The following RNLS variants were observed in gnomAD, a reference collection of about 807,000 sequenced individuals.
RNLS encodes the protein renalase.
Under a neutral mutation model 39.8 loss-of-function variants are expected in RNLS, and 39 were observed. The ratio of observed to expected loss-of-function variants is 0.98; its 90% CI spans 0.76 to 1.28. The LOEUF (loss-of-function observed/expected upper bound fraction) is 1.28, where lower values mean the gene tolerates loss of function less well. RNLS is among the 50% of genes most tolerant of loss of function. The pLI is 0.00. For synonymous variants in RNLS, 147 were observed against 150.7 expected, an observed-to-expected ratio of 0.98 and a Z score of 0.18; for missense variants, 410 against 413.3, an observed-to-expected ratio of 0.99 and a Z score of 0.07.
intron 5 of RNLS, among the ~76,000 whole-genome samples, chr10:88,317,695 G>A (rs547666962): frequency 3.9e-5 from 6 of 152,328 alleles, no homozygotes; most frequent in African/African-American, 1.4e-4. Flanking sequence ...TGCCTGTCTA[G>A]TGACATCAGA....
At chr10:88,272,255 CAG>C (rs1407856365), downstream of RNLS, among the ~76,000 whole-genome samples, 6 of 152,178 alleles carry the variant, frequency 3.9e-5, no homozygotes, top group African/African-American at 1.4e-4. Context: ...GGCACAGAAA[CAG>C]AAGCTTTATG....
chr10:88,255,895 C>T, the RNLS span, among the ~76,000 whole-genome samples: 1 of 152,088 alleles, frequency 6.6e-6, no homozygotes, highest in African/African-American at 2.4e-5. Context: ...GAAAGCAGCC[C>T]TGTGAGGATT....
intron 4 of RNLS, among the ~76,000 whole-genome samples, chr10:88,374,116 G>T (rs552093610): frequency 1.3e-4 from 19 of 151,872 alleles, no homozygotes; most frequent in Non-Finnish European, 2.4e-4. Context: ...TGTTATTGTT[G>T]CAGGAAAAGA....
intron 6 of RNLS, among the ~76,000 whole-genome samples, chr10:88,290,879 C>T (rs1843622697): frequency 6.6e-6 from 1 of 152,140 alleles, no homozygotes; most frequent in East Asian, 1.9e-4. Context: ...CACTGTTCTC[C>T]AAGTATGGAT....
chr10:88,206,120 A>G, the RNLS span, among the ~76,000 whole-genome samples: 1 of 152,192 alleles, frequency 6.6e-6, no homozygotes, highest in Non-Finnish European at 1.5e-5. Flanking sequence ...GAGGTTTAGC[A>G]AAGGTTTTTC....
At chr10:88,242,815 T>C in the RNLS span, among the ~76,000 whole-genome samples, 1 of 152,068 alleles carries the variant, frequency 6.6e-6, no homozygotes, top group Non-Finnish European at 1.5e-5. Flanking sequence ...GGCGTGGTGG[T>C]GCATGCCTGT....
chr10:88,453,826 G>T (rs549684370), intron 4 of RNLS, among the ~76,000 whole-genome samples: 1 of 152,038 alleles, frequency 6.6e-6, no homozygotes, highest in African/African-American at 2.4e-5. Context: ...AAATATTCTT[G>T]AGTATTACCA....
At chr10:88,456,157 T>C (rs182842121) in intron 4 of RNLS, among the ~76,000 whole-genome samples, 3 of 152,330 alleles carry the variant, frequency 2.0e-5, no homozygotes, top group Admixed American at 1.3e-4. Context: ...TTCCATGCAA[T>C]GTCTCCCCAT....
intron 4 of RNLS, among the ~76,000 whole-genome samples, chr10:88,534,549 T>C (rs1237601100): frequency 1.3e-5 from 2 of 152,148 alleles, no homozygotes; most frequent in African/African-American, 2.4e-5. Flanking sequence ...GAACCCCTAA[T>C]AGTACTGAAG....
chr10:88,247,547 A>T, the RNLS span, among the ~76,000 whole-genome samples: 324 of 152,306 alleles, frequency 2.1e-3, 1 homozygote, highest in African/African-American at 7.3e-3. Flanking sequence ...GTAAAACAGG[A>T]ACAATAACAA....
At chr10:88,216,512 A>G in the RNLS span, among the ~76,000 whole-genome samples, 2 of 152,344 alleles carry the variant, frequency 1.3e-5, no homozygotes, top group Admixed American at 6.5e-5. Context: ...ACCTAGCAGA[A>G]ACACAGAATC....
intron 5 of RNLS, among the ~76,000 whole-genome samples, chr10:88,335,931 C>T (rs1008657265): frequency 1.4e-4 from 21 of 152,118 alleles, no homozygotes; most frequent in African/African-American, 4.8e-4. Flanking sequence ...TGGGGTTTGG[C>T]AATTGGTAAG....
At chr10:88,390,722 T>C (rs1420072402) in intron 4 of RNLS, among the ~76,000 whole-genome samples, 1 of 152,160 alleles carries the variant, frequency 6.6e-6, no homozygotes, top group African/African-American at 2.4e-5. Context: ...ATGAGGGCCA[T>C]TTTTCTTGGG....
intron 4 of RNLS, among the ~76,000 whole-genome samples, chr10:88,568,282 T>C (rs767587551): frequency 8.6e-5 from 13 of 152,016 alleles, no homozygotes; most frequent in Non-Finnish European, 1.6e-4. Context: ...AGATAGTAGA[T>C]TAATGATTGC....
intron 4 of RNLS, among the ~76,000 whole-genome samples, chr10:88,435,429 T>C (rs777418765): frequency 6.0e-5 from 9 of 149,062 alleles, no homozygotes; most frequent in Non-Finnish European, 1.3e-4. Flanking sequence ...TACCAAATAT[T>C]TGGGGGTAAA....
chr10:88,461,322 C>CT (rs1842925666), intron 4 of RNLS, among the ~76,000 whole-genome samples: 1 of 152,100 alleles, frequency 6.6e-6, no homozygotes, highest in East Asian at 1.9e-4. Context: ...CATGAAATTG[C>CT]TAACCATTCA....
chr10:88,311,062 A>C (rs2133032845), intron 6 of RNLS, among the ~76,000 whole-genome samples: 1 of 152,272 alleles, frequency 6.6e-6, no homozygotes, highest in African/African-American at 2.4e-5. Flanking sequence ...GAGATTAAAA[A>C]ATAAAGTAAT....
At chr10:88,489,574 C>T (rs1444930323) in intron 4 of RNLS, among the ~76,000 whole-genome samples, 1 of 152,126 alleles carries the variant, frequency 6.6e-6, no homozygotes, top group African/African-American at 2.4e-5. Context: ...GCTATGGTTC[C>T]CAAGGTGATT....
chr10:88,288,512 T>C (rs1589463630), intron 6 of RNLS, among the ~76,000 whole-genome samples: 1 of 152,172 alleles, frequency 6.6e-6, no homozygotes, highest in Non-Finnish European at 1.5e-5. Context: ...TGTCTATGTA[T>C]AATTTGCATA....
Sources: gnomAD v4.1 joint callset for allele counts (sites outside exome capture counted in the v4.1 genomes callset) on GRCh38, gnomAD v4.1.1 for gene constraint, MANE v1.5 for transcripts, NCBI Gene and HGNC (gene_info 2026-07-23, HGNC 2026-07-21) for gene names.